CDH4: variants seen among roughly 807,000 people sequenced by gnomAD.
CDH4 encodes cadherin-4.
In CDH4, 33 loss-of-function variants were observed where a neutral mutation model predicts 86.0. That is an observed-to-expected ratio of 0.38 (90% CI 0.29 to 0.51). The LOEUF (loss-of-function observed/expected upper bound fraction) is 0.51, where lower values mean the gene tolerates loss of function less well. Among genes scored for constraint, CDH4 ranks in the 20% least tolerant of loss-of-function variants. The pLI is 0.86. For missense variants in CDH4, 1,114 were observed against 1,307.4 expected (o/e 0.85, Z 2.28); for synonymous variants, 555 against 549.4 (o/e 1.01, Z -0.14).
chr20:61,454,990 T>C (rs1271609055), intron 2 of CDH4, among the ~76,000 whole-genome samples: 1 of 152,222 alleles, frequency 6.6e-6, no homozygotes, highest in African/African-American at 2.4e-5. Flanking sequence ...TCACATACCA[T>C]AAAATTCACC....
At position 61,252,719 on chromosome 20, in the gene CDH4, C is replaced by T. The variant is rs1204415084; in HGVS notation, c.57+149C>T. ...CTGCATCCAGCCCGGCGCCCGCGCT[C>T]GGCGAAGCTGCCTGCGGTCGGCAGG... On this transcript the variant is annotated intron_variant, in intron 1 of 15. Coordinates refer to ENST00000614565, the MANE Select transcript of CDH4 (RefSeq NM_001794.5). This position sits in a 1 kb window ranked among gnomAD's most constrained non-coding sequence, Gnocchi z 4.4. The T allele has an allele frequency of 1.1e-5, 4 of 366,348 alleles. No homozygotes were observed. In the East Asian group the frequency reaches 2.0e-4, roughly 19 times the overall value. The allele number at this position is 366,348 out of a possible 1,614,324, so 22.7% of individuals were successfully genotyped here.
At chr20:61,753,317 C>T (rs1300447845) in intron 3 of CDH4, among the ~76,000 whole-genome samples, 4 of 152,256 alleles carry the variant, frequency 2.6e-5, no homozygotes, top group East Asian at 3.9e-4. Context: ...ATTATTTTAG[C>T]GACTCTGGGG....
rs139071575 is a variant in CDH4 at position 61,928,386 on chromosome 20, G to A, written c.1968G>A (p.Ala656=). The change falls in exon 12 of 16, where the codon GCG becomes GCA. Residue 656 remains alanine, a synonymous_variant. Coordinates refer to ENST00000614565, the MANE Select transcript of CDH4 (RefSeq NM_001794.5). ...PYVFELPFVP[A]AVRKNWTITR... Reference sequence around the variant, plus strand: ...TCTTCGAGCTGCCCTTTGTCCCGGCGGCCGTGCGGAAGAACTGGACCATCA... The same window carrying A: ...TCTTCGAGCTGCCCTTTGTCCCGGCAGCCGTGCGGAAGAACTGGACCATCA... The A allele has an allele frequency of 4.2e-5, 68 of 1,611,750 alleles. No homozygotes were observed. Among genetic ancestry groups the A allele is most frequent in the Non-Finnish European group, 5.1e-5 (60 of 1,180,018 alleles).
chr20:61,735,482 G>T (rs1460786436), intron 2 of CDH4, among the ~76,000 whole-genome samples: 3 of 152,124 alleles, frequency 2.0e-5, no homozygotes, highest in Non-Finnish European at 4.4e-5. Flanking sequence ...TGCCTGCAGG[G>T]ACCACAGCCC....
rs79574955 is a variant in CDH4, at chr20:61,640,921, G to A, written c.170-102642G>A. On this transcript the variant is annotated intron_variant, in intron 2 of 15. Transcript: ENST00000614565. The stretch of plus-strand genomic sequence containing the variant: ...GTTCCAGCTCTGAGATGGGGGAAGC[G>A]AGTGGTGCCGGGCAAGGCAGCTGGG... Among the ~76,000 whole-genome samples the A allele has an allele frequency of 9.2e-5, 14 of 152,322 alleles. No individual in the cohort carries two copies. The East Asian group carries it at 2.1e-3, about 23-fold the overall frequency.
chr20:61,509,945 G>T (rs2085767876), intron 2 of CDH4, among the ~76,000 whole-genome samples: 1 of 152,132 alleles, frequency 6.6e-6, no homozygotes, highest in East Asian at 1.9e-4. Flanking sequence ...GAGAGAAAAG[G>T]GGTGGGGGGA....
chr20:61,781,597 G>A (rs933205386), intron 4 of CDH4, among the ~76,000 whole-genome samples: 2 of 152,230 alleles, frequency 1.3e-5, no homozygotes, highest in African/African-American at 4.8e-5. Flanking sequence ...GAAGAAGGAG[G>A]AGAAGTGAAG....
intron 2 of CDH4, among the ~76,000 whole-genome samples, chr20:61,479,203 G>T (rs1240007847): frequency 6.6e-6 from 1 of 151,632 alleles, no homozygotes; most frequent in Admixed American, 6.6e-5. Flanking sequence ...TTATGCAAGG[G>T]TGTTTTTTTT....
chr20:61,655,381 T>G (rs930661318), intron 2 of CDH4, among the ~76,000 whole-genome samples: 9 of 151,952 alleles, frequency 5.9e-5, no homozygotes, highest in African/African-American at 9.7e-5. Flanking sequence ...CACACACACT[T>G]ACACACACAC....
In CDH4 at chr20:61,833,911, T is replaced by A. The variant is rs534044359; in HGVS notation, c.577-10757T>A. 5.3e-5 allele frequency among the ~76,000 whole-genome samples: 8 copies of A among 152,312 alleles called. No homozygotes were observed. The East Asian group carries it at 1.5e-3, about 29-fold the overall frequency. On this transcript the variant is annotated intron_variant, in intron 4 of 15. Coordinates refer to ENST00000614565, the MANE Select transcript of CDH4 (RefSeq NM_001794.5). ...GTGAGGAGGCGCCCCCTCCTCTTCGTCTATGGGAGCACTGCCTGGAGGCAC... is the reference window on the plus strand; with the variant it reads ...GTGAGGAGGCGCCCCCTCCTCTTCGACTATGGGAGCACTGCCTGGAGGCAC...
At chr20:61,555,156 A>G (rs931785360) in intron 2 of CDH4, among the ~76,000 whole-genome samples, 5 of 152,218 alleles carry the variant, frequency 3.3e-5, no homozygotes, top group African/African-American at 1.2e-4. Context: ...GGGCACATGC[A>G]TGGGGTTGCC....
At position 61,927,790 on chromosome 20, in the gene CDH4, C is replaced by T. The variant is rs895535928; in HGVS notation, c.1772-400C>T. ...TGACCTCCGTGGCTGTGAGTTTCCACGTGAATGCCACACCCCGCTGTGTGC... is the reference window on the plus strand; with the variant it reads ...TGACCTCCGTGGCTGTGAGTTTCCATGTGAATGCCACACCCCGCTGTGTGC... On this transcript the variant is annotated intron_variant, in intron 11 of 15. Coordinates refer to ENST00000614565, the MANE Select transcript of CDH4 (RefSeq NM_001794.5). Among the ~76,000 whole-genome samples the T allele has an allele frequency of 5.9e-5, 9 of 152,202 alleles. 1 individual carries two copies. The South Asian group carries it at 6.2e-4, about 10-fold the overall frequency.
At chr20:61,565,435 C>G (rs930546236) in intron 2 of CDH4, among the ~76,000 whole-genome samples, 9 of 140,782 alleles carry the variant, frequency 6.4e-5, no homozygotes, top group African/African-American at 2.3e-4. Flanking sequence ...TTGCTGTTCT[C>G]TGTGAGGCCT....
intron 8 of CDH4, among the ~76,000 whole-genome samples, chr20:61,896,270 G>T (rs1409062290): frequency 6.6e-6 from 1 of 152,192 alleles, no homozygotes; most frequent in African/African-American, 2.4e-5. Flanking sequence ...AGGGAGAGGG[G>T]AAGGGATGGG....
intron 2 of CDH4, among the ~76,000 whole-genome samples, chr20:61,614,045 C>T (rs750181579): frequency 1.3e-5 from 2 of 152,080 alleles, no homozygotes; most frequent in East Asian, 1.9e-4. Context: ...CAGGGACGGA[C>T]GTGTGGTGGA....
At chr20:61,633,314 C>T (rs960232483) in intron 2 of CDH4, among the ~76,000 whole-genome samples, 3 of 152,054 alleles carry the variant, frequency 2.0e-5, no homozygotes, top group Middle Eastern at 3.2e-3. Context: ...CTCATGCATC[C>T]AACTCTCCAT....
chr20:61,358,803 G>C (rs576004837), intron 2 of CDH4, among the ~76,000 whole-genome samples: 4 of 152,066 alleles, frequency 2.6e-5, no homozygotes, highest in South Asian at 4.1e-4. Context: ...GCTTTAATGC[G>C]GGGGGGAAGG....
chr20:61,849,260 A>T (rs982988811), intron 5 of CDH4, among the ~76,000 whole-genome samples: 7 of 151,926 alleles, frequency 4.6e-5, no homozygotes, highest in African/African-American at 1.7e-4. Context: ...CACACTCCTC[A>T]TCAGACTCCA....
In CDH4 at chr20:61,627,449, C is replaced by T. The variant is rs116994082; in HGVS notation, c.170-116114C>T. 5.2e-3 allele frequency among the ~76,000 whole-genome samples: 791 copies of T among 152,278 alleles called. 23 individuals carry two copies. Among genetic ancestry groups the T allele is most frequent in the Admixed American group, 0.043 (651 of 15,294 alleles). On this transcript the variant is annotated intron_variant, in intron 2 of 15. Transcript: ENST00000614565. ...TGTGCTCTGTGGGGTGTTCCGCAGC[C>T]TCCCCACCTCCACCCCTGGGGATGC...
Sources: gnomAD v4.1 joint callset for allele counts (sites outside exome capture counted in the v4.1 genomes callset) on GRCh38, gnomAD v4.1.1 for gene constraint, Gnocchi (gnomAD v3.1) non-coding constraint, MANE v1.5 for transcripts, NCBI Gene and HGNC (gene_info 2026-07-23, HGNC 2026-07-21) for gene names.